TENM3: variants seen among roughly 807,000 people sequenced by gnomAD.
TENM3 encodes teneurin-3.
TENM3 carries 63 observed loss-of-function variants against 255.1 expected under a neutral mutation model. That is an observed-to-expected ratio of 0.25 (90% CI 0.20 to 0.30). The LOEUF (loss-of-function observed/expected upper bound fraction) is 0.30, where lower values mean the gene tolerates loss of function less well. Ranked by LOEUF, TENM3 falls within the 10% of genes least tolerant of loss-of-function variation. TENM3 has a pLI of 1.00. For missense variants in TENM3, 2,929 were observed against 3,461.1 expected (o/e 0.85, Z 3.86); for synonymous variants, 1,306 against 1,322.3 (o/e 0.99, Z 0.27).
chr4:181,757,000 C>T, the TENM3 span, among the ~76,000 whole-genome samples: 1 of 152,128 alleles, frequency 6.6e-6, no homozygotes, highest in Admixed American at 6.6e-5. Context: ...AAGAGAAACC[C>T]TGTCTGTGTG....
chr4:181,690,836 CTTGTCAT>C, the TENM3 span, among the ~76,000 whole-genome samples: 1 of 152,122 alleles, frequency 6.6e-6, no homozygotes, highest in African/African-American at 2.4e-5. Flanking sequence ...ATGTTCTCTT[CTTGTCAT>C]TTGTCATTTT....
chr4:182,241,264 TAAC>T (rs1362324297), upstream of TENM3, among the ~76,000 whole-genome samples: 1 of 152,216 alleles, frequency 6.6e-6, no homozygotes, highest in Non-Finnish European at 1.5e-5. Context: ...TGTTCTCTTG[TAAC>T]AACAGTTTTC....
chr4:182,294,369 C>T (rs543457458), intron 1 of TENM3, among the ~76,000 whole-genome samples: 1 of 152,194 alleles, frequency 6.6e-6, no homozygotes, highest in Admixed American at 6.5e-5. Context: ...CTGTGGCTGC[C>T]CTGAAACATT....
chr4:181,866,064 T>C, the TENM3 span, among the ~76,000 whole-genome samples: 1 of 152,222 alleles, frequency 6.6e-6, no homozygotes, highest in South Asian at 2.1e-4. Flanking sequence ...TCCTGAAAGC[T>C]GAAAATGGTT....
the TENM3 span, among the ~76,000 whole-genome samples, chr4:181,799,860 A>G: frequency 1.3e-5 from 2 of 152,190 alleles, no homozygotes; most frequent in African/African-American, 4.8e-5. Flanking sequence ...GTTTGGGTGA[A>G]CAAGTCGGAA....
At chr4:181,773,794 T>C in the TENM3 span, among the ~76,000 whole-genome samples, 11 of 152,166 alleles carry the variant, frequency 7.2e-5, no homozygotes, top group Admixed American at 1.3e-4. Flanking sequence ...CAGAGTACTT[T>C]GAATAACCAT....
chr4:181,758,133 C>T, the TENM3 span, among the ~76,000 whole-genome samples: 1 of 152,144 alleles, frequency 6.6e-6, no homozygotes, highest in African/African-American at 2.4e-5. Flanking sequence ...ACCTCACTTC[C>T]CCAGTGCTCT....
the TENM3 span, among the ~76,000 whole-genome samples, chr4:181,991,220 A>C: frequency 3.3e-5 from 5 of 152,296 alleles, no homozygotes; most frequent in African/African-American, 1.2e-4. Context: ...AACCTCTTAC[A>C]AATGAAAAAA....
chr4:182,077,989 C>G, the TENM3 span, among the ~76,000 whole-genome samples: 1 of 152,068 alleles, frequency 6.6e-6, no homozygotes, highest in Admixed American at 6.6e-5. Flanking sequence ...TTACAACAAG[C>G]AAAAACTGGT....
chr4:182,429,457 A>T (rs1771467320), intron 3 of TENM3, among the ~76,000 whole-genome samples: 2 of 152,238 alleles, frequency 1.3e-5, no homozygotes, highest in Non-Finnish European at 2.9e-5. Flanking sequence ...TTATAATACA[A>T]ATAGAAATAC....
intron 1 of TENM3, among the ~76,000 whole-genome samples, chr4:182,149,583 T>C (rs1750198236): frequency 6.6e-6 from 1 of 151,936 alleles, no homozygotes; most frequent in South Asian, 2.1e-4. Flanking sequence ...AATAATGAGA[T>C]TTTACTTCCC....
At chr4:181,719,880 T>C in the TENM3 span, among the ~76,000 whole-genome samples, 5 of 152,222 alleles carry the variant, frequency 3.3e-5, no homozygotes, top group Non-Finnish European at 7.3e-5. Flanking sequence ...GTCTCTTTGC[T>C]GATTCACAGC....
chr4:181,810,108 G>A, the TENM3 span, among the ~76,000 whole-genome samples: 1 of 152,112 alleles, frequency 6.6e-6, no homozygotes, highest in Non-Finnish European at 1.5e-5. Context: ...GAAAAAAAAA[G>A]CAATGACAAT....
the TENM3 span, among the ~76,000 whole-genome samples, chr4:181,582,234 GTC>G: frequency 6.6e-6 from 1 of 152,136 alleles, no homozygotes; most frequent in Admixed American, 6.5e-5. Context: ...GCACGGGCCT[GTC>G]TCTCACATTC....
chr4:182,718,570 T>C (rs1490351992), intron 13 of TENM3, among the ~76,000 whole-genome samples: 1 of 152,160 alleles, frequency 6.6e-6, no homozygotes, highest in African/African-American at 2.4e-5. Context: ...TCCACAGCAT[T>C]CAGCTTTAGT....
the TENM3 span, among the ~76,000 whole-genome samples, chr4:181,467,491 A>G: frequency 6.6e-6 from 1 of 152,050 alleles, no homozygotes; most frequent in African/African-American, 2.4e-5. Context: ...CAAGCATATT[A>G]TGACAGATAT....
the TENM3 span, among the ~76,000 whole-genome samples, chr4:181,456,125 A>G: frequency 0.07 from 4,345 of 62,308 alleles, 230 homozygotes; most frequent in African/African-American, 0.19. Flanking sequence ...ATATATATAT[A>G]TATGTGTGTG....
rs1205921209 is a variant in TENM3 at position 182,345,987 on chromosome 4, G to A, written c.233-664G>A. ...GCAAAAAGCCTAGAAAGTCAAAAAT[G>A]TACAAAATATGCAGCAAATTTTTTA... On this transcript the variant is annotated intron_variant, in intron 2 of 27. Coordinates refer to ENST00000511685, the MANE Select transcript of TENM3 (RefSeq NM_001080477.4). Among the ~76,000 whole-genome samples the A allele has an allele frequency of 4.6e-5, 7 of 152,120 alleles. No individual in the cohort carries two copies. The South Asian group carries it at 8.3e-4, about 18-fold the overall frequency.
chr4:181,624,830 T>C, the TENM3 span, among the ~76,000 whole-genome samples: 1 of 152,106 alleles, frequency 6.6e-6, no homozygotes, highest in Non-Finnish European at 1.5e-5. Flanking sequence ...ACAGTTGCAG[T>C]TGTGTGGTGC....
Sources: gnomAD v4.1 joint callset for allele counts (sites outside exome capture counted in the v4.1 genomes callset) on GRCh38, gnomAD v4.1.1 for gene constraint, MANE v1.5 for transcripts, NCBI Gene and HGNC (gene_info 2026-07-23, HGNC 2026-07-21) for gene names.